ACY1: variants seen among roughly 807,000 people sequenced by gnomAD.
The protein encoded by ACY1 is aminoacylase-1.
In ACY1, 38 loss-of-function variants were observed where a neutral mutation model predicts 53.3. The observed-to-expected ratio is 0.71, with a 90% CI of 0.55 to 0.93. The LOEUF (loss-of-function observed/expected upper bound fraction) is 0.93. ACY1 is among the 40% of genes least tolerant of loss of function. The pLI, the probability that ACY1 is intolerant of heterozygous loss-of-function variation, is 0.00. For missense variants in ACY1, 484 were observed against 540.9 expected, an observed-to-expected ratio of 0.89 and a Z score of 1.04; for synonymous variants, 177 against 202.1, an observed-to-expected ratio of 0.88 and a Z score of 1.05.
intron 3 of ACY1, 21 bp downstream of exon 3, chr3:51,985,292 G>A (rs764753052): frequency 1.9e-6 from 3 of 1,612,808 alleles, no homozygotes; most frequent in Admixed American, 1.7e-5. Flanking sequence ...GGCCCTAAGC[G>A]GGGAAGGGAG....
At chr3:51,987,220 G>A in intron 10 of ACY1, 24 bp downstream of exon 10, 2 of 1,614,128 alleles carry the variant, frequency 1.2e-6, no homozygotes, top group South Asian at 2.2e-5. Flanking sequence ...GGAGGCAGTG[G>A]GGTGGCTCTG....
chr3:51,986,918 C>T, intron 8 of ACY1, 70 bp from the exon 9 acceptor site: 12 of 1,525,344 alleles, frequency 7.9e-6, no homozygotes, highest in African/African-American at 1.4e-5. Flanking sequence ...GAGACCTGGG[C>T]CCACCCCAGG....
Position 51,986,872 on chromosome 3 carries a change from G to C in ACY1, c.584-116G>C, listed in dbSNP as rs1701081439. 1.2e-5 allele frequency: 16 copies of C among 1,303,880 alleles called. 1 individual carries two copies. Among genetic ancestry groups the C allele is most frequent in the Middle Eastern group, 2.6e-4 (1 of 3,904 alleles). 80.8% of individuals were successfully genotyped at this position (1,303,880 alleles called of 1,614,324 possible). A position where few individuals can be genotyped will look rare whatever the true frequency, so the allele number is the denominator to read the frequency against. On this transcript the variant is annotated intron_variant, in intron 8 of 14. Transcript: ENST00000636358. ...GCTGTATGCTACGGGCCCTGAGTGG[G>C]GACAGGACCCTGCCAGAGGAGCCTG...
chr3:51,988,698 C>T, intron 13 of ACY1, 68 bp from the exon 14 acceptor site: 1 of 1,599,872 alleles, frequency 6.3e-7, no homozygotes, highest in South Asian at 1.1e-5. Context: ...CACCTCTTTC[C>T]CACCTTCCTT....
In ACY1 at chr3:51,984,137, G is replaced by T; in HGVS notation, c.73G>T (p.Val25Phe). 6.2e-7 allele frequency: 1 copy of T among 1,613,960 alleles called. No individual in the cohort carries two copies. Among genetic ancestry groups the T allele is most frequent in the Non-Finnish European group, 8.5e-7 (1 of 1,180,020 alleles). ...LFRQYLRIRT[V>F]QPKPDYGAAV... ...CCGCCAGTACCTGCGTATCCGCACT[G>T]TCCAGCCCAAGCCTGACTATGGTGA... The change falls in exon 2 of 15, where the codon GTC becomes TTC. Residue 25 changes from valine (V) to phenylalanine (F), a missense_variant. Coordinates refer to ENST00000636358, the MANE Select transcript of ACY1 (RefSeq NM_000666.3).
intron 12 of ACY1, 23 bp downstream of exon 12, chr3:51,987,647 G>A: frequency 6.2e-7 from 1 of 1,611,400 alleles, no homozygotes; most frequent in Non-Finnish European, 8.5e-7. Flanking sequence ...GACATGTGAT[G>A]GGAGAGTGTG....
In ACY1 at chr3:51,988,768, A is replaced by G. The variant is rs568580232; in HGVS notation, c.1004A>G (p.Asn335Ser). Residue 335 changes from asparagine (N) to serine (S), a missense_variant and splice_region_variant, in exon 14 of 15, where the codon AAC (asparagine) becomes AGC (serine). Coordinates refer to ENST00000636358, the MANE Select transcript of ACY1 (RefSeq NM_000666.3). Reference protein sequence around the residue: ...AAFSRVCKDMNLTLEPEIMPA... With the variant: ...AAFSRVCKDMSLTLEPEIMPA... ...TCATCAGGCTCTTTCTCCTACAGGAACCTCACTCTGGAGCCTGAGATCATG... is the reference window on the plus strand; with the variant it reads ...TCATCAGGCTCTTTCTCCTACAGGAGCCTCACTCTGGAGCCTGAGATCATG... 1 of 1,613,954 alleles carries G rather than the reference A, an allele frequency of 6.2e-7. No homozygotes were observed. Among genetic ancestry groups the G allele is most frequent in the Non-Finnish European group, 8.5e-7 (1 of 1,179,978 alleles).
Position 51,984,730 on chromosome 3 carries a change from G to A in ACY1, c.95-477G>A, listed in dbSNP as rs186246885. On this transcript the variant is annotated intron_variant, in intron 2 of 14. Coordinates refer to ENST00000636358, the MANE Select transcript of ACY1 (RefSeq NM_000666.3). The stretch of plus-strand genomic sequence containing the variant: ...CTCCAGAGGTTGAGGTGGGAGGATC[G>A]CTTGAGCCTGGGAGGTTGAGGCTGC... 192 of 251,330 alleles carry A rather than the reference G, an allele frequency of 7.6e-4. 1 individual carries two copies. Among genetic ancestry groups the A allele is most frequent in the East Asian group, 1.7e-3 (16 of 9,310 alleles). 15.6% of individuals were successfully genotyped at this position (251,330 alleles called of 1,614,324 possible).
intron 8 of ACY1, 63 bp downstream of exon 8, chr3:51,986,724 G>T: frequency 1.3e-6 from 2 of 1,590,096 alleles, no homozygotes; most frequent in Non-Finnish European, 8.6e-7. Context: ...GAAAGGGCAC[G>T]GTCCTATGCA....
At position 51,985,934 on chromosome 3, in the gene ACY1, G is replaced by A. The variant is rs1164299165; in HGVS notation, c.347G>A (p.Cys116Tyr). The change falls in exon 5 of 15, where the codon TGC becomes TAC. Residue 116 changes from cysteine to tyrosine, a missense_variant. By Grantham distance (194) the Cys-to-Tyr change is radical. Coordinates refer to ENST00000636358, the MANE Select transcript of ACY1 (RefSeq NM_000666.3). ...GCCAGGGGTGCCCAGGACATGAAGT[G>A]CGTCAGCATCCAGTGAGTGTCCTCC... The part of the protein sequence containing the change: ...IYARGAQDMK[C>Y]VSIQYLEAVR... 3.6e-5 allele frequency: 58 copies of A among 1,611,880 alleles called. No individual in the cohort carries two copies. The highest frequency in any genetic ancestry group is 4.5e-5 in the Non-Finnish European group (53 of 1,179,108).
At chr3:51,984,928 T>C in intron 2 of ACY1, 2 of 515,972 alleles carry the variant, frequency 3.9e-6, no homozygotes, top group South Asian at 4.2e-5. Context: ...GGTGGGTGAA[T>C]CTCTTCATGT....
chr3:51,986,778 G>A, intron 8 of ACY1, 117 bp downstream of exon 8: 2 of 1,394,558 alleles, frequency 1.4e-6, no homozygotes, highest in Non-Finnish European at 2.0e-6. Flanking sequence ...CTTGAACCCA[G>A]GGCCTCTACC....
chr3:51,988,276 A>G, intron 12 of ACY1: 1 of 592,668 alleles, frequency 1.7e-6, no homozygotes, highest in Non-Finnish European at 3.0e-6. Flanking sequence ...CATCTTGAGG[A>G]AGGGGCACTT....
In ACY1 at chr3:51,984,100, G is replaced by A. The variant is rs376811350; in HGVS notation, c.36G>A (p.Ser12=). ...AGGGTCCCGAGGAGGAGCACCCATC[G>A]GTGACGCTCTTCCGCCAGTACCTGC... is the stretch of plus-strand genomic sequence containing the variant. ...TSKGPEEEHP[S]VTLFRQYLRI... Residue 12 remains serine (S), a synonymous_variant, in exon 2 of 15, where the codon TCG becomes TCA. Coordinates refer to ENST00000636358, the MANE Select transcript of ACY1 (RefSeq NM_000666.3). The A allele has an allele frequency of 4.3e-6, 7 of 1,613,730 alleles. No individual in the cohort carries two copies. Among genetic ancestry groups the A allele is most frequent in the Middle Eastern group, 1.7e-4 (1 of 6,060 alleles).
At chr3:51,983,672 G>GT (rs1443173483) in intron 1 of ACY1, 83 bp downstream of exon 1, 1 of 283,708 alleles carries the variant, frequency 3.5e-6, no homozygotes, top group Non-Finnish European at 6.8e-6. Context: ...GGTTTTTCTT[G>GT]TTTGTTTTTT....
Position 51,987,471 on chromosome 3 carries a change from G to A in ACY1, c.852+18G>A, listed in dbSNP as rs368998510. On this transcript the variant is annotated intron_variant, in intron 11 of 14. Coordinates refer to ENST00000636358, the MANE Select transcript of ACY1 (RefSeq NM_000666.3). ...ACTTCAAGGTGCCACCTCCACCTGG[G>A]TTTGGAGGAGGGATCCTGGGTCCTC... 1 of 1,614,208 alleles carries A rather than the reference G, an allele frequency of 6.2e-7. No homozygotes were observed. Among genetic ancestry groups the A allele is most frequent in the Non-Finnish European group, 8.5e-7 (1 of 1,180,024 alleles).
In ACY1 at chr3:51,986,679, G is replaced by A; in HGVS notation, c.583+18G>A. 6.2e-7 allele frequency: 1 copy of A among 1,613,316 alleles called. No individual in the cohort carries two copies. The highest frequency in any genetic ancestry group is 8.5e-7 in the Non-Finnish European group (1 of 1,179,848). ...TCCCTGGTGTAAGTATGAGCTTGGA[G>A]GGAGGGCTCACTCTACAGGCGGGAG... On this transcript the variant is annotated intron_variant, in intron 8 of 14. Coordinates refer to ENST00000636358, the MANE Select transcript of ACY1 (RefSeq NM_000666.3).
intron 14 of ACY1, 21 bp from the exon 15 acceptor site, chr3:51,988,890 G>A (rs755816924): frequency 3.1e-6 from 5 of 1,614,006 alleles, no homozygotes; most frequent in African/African-American, 2.7e-5. Flanking sequence ...TTTCCCTAAC[G>A]GCTCTTCCTC....
intron 8 of ACY1, 133 bp from the exon 9 acceptor site, chr3:51,986,855 C>A: frequency 8.1e-7 from 1 of 1,237,656 alleles, no homozygotes; most frequent in Non-Finnish European, 1.1e-6. Context: ...CAGCTGTATG[C>A]TACGGGCCCT....
Sources: gnomAD v4.1 joint callset for allele counts on GRCh38, gnomAD v4.1.1 for gene constraint, MANE v1.5 for transcripts, NCBI Gene and HGNC (gene_info 2026-07-23, HGNC 2026-07-21) for gene names.